The following PTGES3L variants were observed in gnomAD, a reference collection of about 807,000 sequenced individuals.
PTGES3L encodes the protein putative protein PTGES3L.
PTGES3L carries 17 observed loss-of-function variants against 25.0 expected under a neutral mutation model. That is an observed-to-expected ratio of 0.68 (90% CI 0.47 to 1.02). The LOEUF (loss-of-function observed/expected upper bound fraction) is 1.02, where lower values mean the gene tolerates loss of function less well. Ranked by LOEUF, PTGES3L falls within the 50% of genes least tolerant of loss-of-function variation. The pLI is 0.00. For synonymous variants in PTGES3L, 59 were observed against 65.7 expected, an observed-to-expected ratio of 0.90 and a Z score of 0.50; for missense variants, 202 against 197.5, an observed-to-expected ratio of 1.02 and a Z score of -0.14.
intron 4 of PTGES3L, among the ~76,000 whole-genome samples, chr17:42,974,856 C>T (rs1167884660): frequency 2.0e-5 from 3 of 151,734 alleles, no homozygotes; most frequent in Admixed American, 1.3e-4. Context: ...ATGTTCTGGC[C>T]GGGCGCAGTG....
At chr17:42,971,553 G>GAGAA in intron 5 of PTGES3L, 54 bp downstream of exon 5, 3 of 1,600,918 alleles carry the variant, frequency 1.9e-6, no homozygotes, top group Non-Finnish European at 2.6e-6. Flanking sequence ...CATGTGTGCA[G>GAGAA]AGAAACACAA....
chr17:42,979,260 C>A lies in PTGES3L; in HGVS notation c.198G>T (p.Gln66His). Residue 66 changes from glutamine (Q) to histidine (H), a missense_variant, in exon 4 of 7, where the codon CAG (glutamine) becomes CAT (histidine). Physicochemically the swap from Gln to His is conservative, Grantham distance 24 (BLOSUM62 0). Transcript: ENST00000591916. ...TAATAGAGCGGGAAGAGCGCTTATC[C>A]TGGGAGTCCTGCCAGATAGAGAGCC... is the stretch of plus-strand genomic sequence containing the variant. Reference protein sequence around the residue: ...FYAKVNSKDSQDKRSSRSITC... With the variant: ...FYAKVNSKDSHDKRSSRSITC... The A allele has an allele frequency of 1.2e-6, 2 of 1,614,056 alleles. No individual in the cohort carries two copies. Among genetic ancestry groups the A allele is most frequent in the Middle Eastern group, 1.6e-4 (1 of 6,062 alleles).
At position 42,969,201 on chromosome 17, in the gene PTGES3L, GAAA is replaced by G. The variant is rs372902883; in HGVS notation, c.433-18_433-16del. ...TCAGAATCATCCTGGGGGCGGGGGG[GAAA>G]AAAGACAAAGCACCTGTAGACCCTG... is the stretch of plus-strand genomic sequence containing the variant. On this transcript the variant is annotated splice_polypyrimidine_tract_variant and intron_variant, in intron 6 of 6. Transcript: ENST00000591916. 2.0e-4 allele frequency: 276 copies of G among 1,364,094 alleles called. 3 individuals are homozygous for G. In the African/African-American group the frequency reaches 4.1e-3, roughly 20 times the overall value. The allele number at this position is 1,364,094 out of a possible 1,614,324, so 84.5% of individuals were successfully genotyped here.
At chr17:42,978,479 T>TA (rs2050003429) in intron 4 of PTGES3L, among the ~76,000 whole-genome samples, 1 of 152,170 alleles carries the variant, frequency 6.6e-6, no homozygotes, top group South Asian at 2.1e-4. Flanking sequence ...ACCATGTTCA[T>TA]AGCAGTGCCA....
rs1482998381 is a variant in PTGES3L at position 42,970,674 on chromosome 17, G to GCACACACACACACACACACACACACACA, written c.379-333_379-332insTGTGTGTGTGTGTGTGTGTGTGTGTGTG. On this transcript the variant is annotated intron_variant, in intron 5 of 6. Transcript: ENST00000591916. Reference sequence around the variant, plus strand: ...CCCATGAAGTTGTCTGGCTTAACACGCGCACACACACACACACACACACAC... The same window carrying GCACACACACACACACACACACACACACA: ...CCCATGAAGTTGTCTGGCTTAACACGCACACACACACACACACACACACACACACGCACACACACACACACACACACAC... 1.1e-3 allele frequency among the ~76,000 whole-genome samples: 111 copies of GCACACACACACACACACACACACACACA among 105,684 alleles called. 2 individuals are homozygous for GCACACACACACACACACACACACACACA. The highest frequency in any genetic ancestry group is 3.4e-3 in the African/African-American group (105 of 30,626). The allele number at this position is 105,684 out of a possible 152,430, so 69.3% of individuals were successfully genotyped here.
At chr17:42,975,601 G>A (rs924599785) in intron 4 of PTGES3L, among the ~76,000 whole-genome samples, 1 of 152,156 alleles carries the variant, frequency 6.6e-6, no homozygotes, top group African/African-American at 2.4e-5. Context: ...GTGAGGTGAA[G>A]TACATGATCC....
chr17:42,970,213 G>A (rs867299990), intron 6 of PTGES3L, 76 bp downstream of exon 6: 5 of 1,564,478 alleles, frequency 3.2e-6, no homozygotes, highest in Non-Finnish European at 4.4e-6. Flanking sequence ...GCTAGGAACT[G>A]GGATAGGAGC....
At chr17:42,971,817 TC>T in intron 4 of PTGES3L, 121 bp from the exon 5 acceptor site, 1 of 836,264 alleles carries the variant, frequency 1.2e-6, no homozygotes, top group Non-Finnish European at 1.9e-6. Flanking sequence ...TCCCTAGTCC[TC>T]CCAACTGCAC....
At chr17:42,978,728 C>T (rs538300560) in intron 4 of PTGES3L, among the ~76,000 whole-genome samples, 3 of 152,214 alleles carry the variant, frequency 2.0e-5, no homozygotes, top group Non-Finnish European at 2.9e-5. Flanking sequence ...AAGCCAGGCG[C>T]GGTGGCTCAC....
In PTGES3L at chr17:42,969,201, G is replaced by GAA. The variant is rs372902883; in HGVS notation, c.433-17_433-16dup. 0.31 allele frequency: 417,285 copies of GAA among 1,362,514 alleles called. 64,627 individuals are homozygous for GAA. The highest frequency in any genetic ancestry group is 0.41 in the African/African-American group (25,327 of 61,838). The allele number at this position is 1,362,514 out of a possible 1,614,324, so 84.4% of individuals were successfully genotyped here. A position where few individuals can be genotyped will look rare whatever the true frequency, so the allele number is the denominator to read the frequency against. ...TCAGAATCATCCTGGGGGCGGGGGG[G>GAA]AAAAAAGACAAAGCACCTGTAGACC... On this transcript the variant is annotated splice_polypyrimidine_tract_variant and intron_variant, in intron 6 of 6. Transcript: ENST00000591916.
chr17:42,974,556 T>C (rs2049919704), intron 4 of PTGES3L, among the ~76,000 whole-genome samples: 1 of 151,840 alleles, frequency 6.6e-6, no homozygotes, highest in Non-Finnish European at 1.5e-5. Context: ...GTGGATCACT[T>C]GACGTCAGGA....
In PTGES3L at chr17:42,972,002, A is replaced by G. The variant is rs576530708; in HGVS notation, c.289-306T>C. The G allele has an allele frequency of 5.4e-5, 15 of 277,150 alleles. No individual in the cohort carries two copies. The East Asian group carries it at 1.0e-3, about 19-fold the overall frequency. The allele number at this position is 277,150 out of a possible 1,614,324, so 17.2% of individuals were successfully genotyped here. On this transcript the variant is annotated intron_variant, in intron 4 of 6. Transcript: ENST00000591916. ...CAGGAGTTCGAGACCAGCCTGGCCAATATGGTGAAACCTCGTCTCTAGTAA... is the reference window on the plus strand; with the variant it reads ...CAGGAGTTCGAGACCAGCCTGGCCAGTATGGTGAAACCTCGTCTCTAGTAA...
At position 42,973,050 on chromosome 17, in the gene PTGES3L, C is replaced by T. The variant is rs1352869077; in HGVS notation, c.289-1354G>A. ...GAGGTGAGGAGCGTCTCTGCCCGGC[C>T]GCCCCGTCTGAGAAGTGAGGAGACC... On this transcript the variant is annotated intron_variant, in intron 4 of 6. Coordinates refer to ENST00000591916, the MANE Select transcript of PTGES3L (RefSeq NM_001261430.2). 1.1e-4 allele frequency among the ~76,000 whole-genome samples: 16 copies of T among 142,232 alleles called. 1 individual carries two copies. Among genetic ancestry groups the T allele is most frequent in the African/African-American group, 3.9e-4 (15 of 38,402 alleles). The allele number at this position is 142,232 out of a possible 152,430, so 93.3% of individuals were successfully genotyped here. A position where few individuals can be genotyped will look rare whatever the true frequency, so the allele number is the denominator to read the frequency against.
At position 42,972,053 on chromosome 17, in the gene PTGES3L, T is replaced by G. The variant is rs989359844; in HGVS notation, c.289-357A>C. 3.9e-5 allele frequency: 9 copies of G among 232,302 alleles called. No individual in the cohort carries two copies. In the South Asian group the frequency reaches 5.3e-4, roughly 14 times the overall value. 14.4% of individuals were successfully genotyped at this position (232,302 alleles called of 1,614,324 possible). The stretch of plus-strand genomic sequence containing the variant: ...AAATACAAAAATTATCCGGGCGTGG[T>G]GACGGGCACCTGTAGTCCCAGCTAC... On this transcript the variant is annotated intron_variant, in intron 4 of 6. Coordinates refer to ENST00000591916, the MANE Select transcript of PTGES3L (RefSeq NM_001261430.2).
At position 42,969,058 on chromosome 17, in the gene PTGES3L, G is replaced by A; in HGVS notation, c.*90C>T. On this transcript the variant is annotated 3_prime_UTR_variant, in exon 7 of 7. Coordinates refer to ENST00000591916, the MANE Select transcript of PTGES3L (RefSeq NM_001261430.2). ...AGATCTCAGAAGAACTTGGTGCACA[G>A]CCAAAGCGCTGACAAAGGCCTAGGC... is the stretch of plus-strand genomic sequence containing the variant. The A allele has an allele frequency of 2.1e-6, 2 of 971,338 alleles. No individual in the cohort carries two copies. The highest frequency in any genetic ancestry group is 2.8e-5 in the South Asian group (2 of 70,434). 60.2% of individuals were successfully genotyped at this position (971,338 alleles called of 1,614,324 possible).
At chr17:42,976,679 C>G (rs1481722785) in intron 4 of PTGES3L, among the ~76,000 whole-genome samples, 3 of 152,134 alleles carry the variant, frequency 2.0e-5, no homozygotes, top group African/African-American at 7.2e-5. Flanking sequence ...CACACCCGGC[C>G]TTAAAATAAT....
rs147796875 is a variant in PTGES3L at position 42,979,431 on chromosome 17, C to T, written c.136G>A (p.Asp46Asn). The change falls in exon 3 of 7, where the codon GAT becomes AAT. Residue 46 changes from aspartate to asparagine, a missense_variant. Asp to Asn is a conservative substitution (Grantham distance 23, BLOSUM62 1). Coordinates refer to ENST00000591916, the MANE Select transcript of PTGES3L (RefSeq NM_001261430.2). ...ATCTCATTGTACAACTCCACTCCAT[C>T]GGCATTCTTGCAGCTGAGGAGACAA... ...HRIVFSCKNA[D>N]GVELYNEIEF... The T allele has an allele frequency of 1.4e-4, 228 of 1,614,048 alleles. No individual in the cohort carries two copies. Among genetic ancestry groups the T allele is most frequent in the Non-Finnish European group, 1.4e-4 (160 of 1,180,042 alleles).
Position 42,968,920 on chromosome 17 carries a change from T to A in PTGES3L, c.*228A>T, listed in dbSNP as rs1287947517. 5 of 484,768 alleles carry A rather than the reference T, an allele frequency of 1.0e-5. No homozygotes were observed. Among genetic ancestry groups the A allele is most frequent in the Admixed American group, 3.4e-5 (1 of 29,582 alleles). 30.0% of individuals were successfully genotyped at this position (484,768 alleles called of 1,614,324 possible). ...CCAATCAGTAAGAAATCAGAAGCCC[T>A]ACCAGTCTACCCCTCCCCGACCCTG... On this transcript the variant is annotated 3_prime_UTR_variant, in exon 7 of 7. Transcript: ENST00000591916.
chr17:42,972,458 G>A (rs1025642174), intron 4 of PTGES3L, among the ~76,000 whole-genome samples: 3 of 151,280 alleles, frequency 2.0e-5, no homozygotes, highest in East Asian at 3.9e-4. Flanking sequence ...TCAGCCTGCC[G>A]AGTGCCTGCG....
Sources: allele counts gnomAD v4.1 joint callset (sites outside exome capture counted in the v4.1 genomes callset), GRCh38; gene constraint gnomAD v4.1.1; transcripts MANE v1.5; gene names NCBI Gene and HGNC (gene_info 2026-07-23, HGNC 2026-07-21).